Variants in ZC3H14 observed in about 807,000 individuals in gnomAD.
ZC3H14 encodes zinc finger CCCH-type containing 14.
ZC3H14 carries 31 observed loss-of-function variants against 92.4 expected under a neutral mutation model. The ratio of observed to expected loss-of-function variants is 0.34; its 90% CI spans 0.25 to 0.45. ZC3H14 has a LOEUF of 0.45. Among genes scored for constraint, ZC3H14 ranks in the 20% least tolerant of loss-of-function variants. ZC3H14 has a pLI of 1.00. For synonymous variants in ZC3H14, 321 were observed against 300.9 expected (o/e 1.07, Z -0.69); for missense variants, 781 against 897.3 (o/e 0.87, Z 1.66).
chr14:88,618,222 A>G lies in ZC3H14; in HGVS notation c.*6471A>G. The stretch of plus-strand genomic sequence containing the variant: ...GTTCTTGCCTTGTGAATATATAAGT[A>G]TTTACCTAGTCCATGTAGCCCAAGT... On this transcript the variant is annotated 3_prime_UTR_variant, in exon 17 of 17. Transcript: ENST00000251038. 1 of 1,612,790 alleles carries G rather than the reference A, an allele frequency of 6.2e-7. No homozygotes were observed. The highest frequency in any genetic ancestry group is 8.5e-7 in the Non-Finnish European group (1 of 1,179,152).
intron 7 of ZC3H14, 47 bp downstream of exon 7, chr14:88,574,900 G>C: frequency 6.2e-7 from 1 of 1,612,920 alleles, no homozygotes; most frequent in Non-Finnish European, 8.5e-7. Context: ...CCTTGGTGGA[G>C]TCTTCCTGAT....
intron 8 of ZC3H14, 92 bp from the exon 9 acceptor site, chr14:88,577,893 G>A: frequency 2.6e-6 from 4 of 1,534,154 alleles, no homozygotes; most frequent in Non-Finnish European, 3.6e-6. Context: ...CTAAACCAAA[G>A]GAGGCATTTA....
intron 12 of ZC3H14, 100 bp from the exon 13 acceptor site, chr14:88,607,143 C>G (rs1047938080): frequency 6.4e-7 from 1 of 1,562,408 alleles, no homozygotes; most frequent in African/African-American, 1.4e-5. Flanking sequence ...GTACATTTAA[C>G]AGAAGATTCT....
At chr14:88,577,047 G>A (rs2081263377) in intron 8 of ZC3H14, among the ~76,000 whole-genome samples, 1 of 151,862 alleles carries the variant, frequency 6.6e-6, no homozygotes, top group Non-Finnish European at 1.5e-5. Context: ...CTGCCTCCTC[G>A]GCCTCCCAAA....
At position 88,618,250 on chromosome 14, in the gene ZC3H14, T is replaced by C; in HGVS notation, c.*6499T>C. The C allele has an allele frequency of 1.2e-6, 2 of 1,613,802 alleles. No homozygotes were observed. ...TACCTAGTCCATGTAGCCCAAGTAA[T>C]TCTGTCAATAGCGGCATGATCCATA... On this transcript the variant is annotated 3_prime_UTR_variant, in exon 17 of 17. Transcript: ENST00000251038.
At chr14:88,567,031 G>T (rs1268958907) in intron 2 of ZC3H14, among the ~76,000 whole-genome samples, 1 of 151,326 alleles carries the variant, frequency 6.6e-6, no homozygotes, top group Non-Finnish European at 1.5e-5. Context: ...TTGTTTTTTT[G>T]TTCTTTTAAA....
chr14:88,610,949 T>G lies in ZC3H14; in HGVS notation c.2204+9T>G. On this transcript the variant is annotated intron_variant, in intron 16 of 16. Coordinates refer to ENST00000251038, the MANE Select transcript of ZC3H14 (RefSeq NM_024824.5). ...ATTCGACCTCAAACCAGGTAAACAT[T>G]CAAATTCGTTTTTCTCATGTCAGTT... 1 of 1,571,182 alleles carries G rather than the reference T, an allele frequency of 6.4e-7. No individual in the cohort carries two copies. Among genetic ancestry groups the G allele is most frequent in the East Asian group, 2.2e-5 (1 of 44,872 alleles).
chr14:88,616,262 A>G lies in ZC3H14; in HGVS notation c.*4511A>G. The stretch of plus-strand genomic sequence containing the variant: ...TTTTGCCTAAAAAACAATGACAGAC[A>G]AGCTCAGGGCATTTGGTGCACACAG... On this transcript the variant is annotated 3_prime_UTR_variant, in exon 17 of 17. Coordinates refer to ENST00000251038, the MANE Select transcript of ZC3H14 (RefSeq NM_024824.5). The G allele has an allele frequency of 6.2e-7, 1 of 1,610,344 alleles. No homozygotes were observed. Among genetic ancestry groups the G allele is most frequent in the Non-Finnish European group, 8.5e-7 (1 of 1,176,688 alleles).
chr14:88,573,811 T>C (rs1238515846), intron 6 of ZC3H14: 1 of 152,326 alleles, frequency 6.6e-6, no homozygotes, highest in Admixed American at 6.5e-5. Context: ...AGATGGTGTT[T>C]CACCATGTTG....
chr14:88,591,611 T>C (rs2083146543), intron 9 of ZC3H14: 1 of 151,974 alleles, frequency 6.6e-6, no homozygotes, highest in Non-Finnish European at 1.5e-5. Flanking sequence ...CAAGGGGAGA[T>C]TTTACATTCA....
Position 88,616,226 on chromosome 14 carries a change from A to G in ZC3H14, c.*4475A>G. ...TGTCACATGGGGCGAATGACCCAAGAACCTTTTGTGTTTTGCCTAAAAAAC... is the reference window on the plus strand; with the variant it reads ...TGTCACATGGGGCGAATGACCCAAGGACCTTTTGTGTTTTGCCTAAAAAAC... On this transcript the variant is annotated 3_prime_UTR_variant, in exon 17 of 17. Coordinates refer to ENST00000251038, the MANE Select transcript of ZC3H14 (RefSeq NM_024824.5). 6.2e-7 allele frequency: 1 copy of G among 1,613,890 alleles called. No homozygotes were observed. The highest frequency in any genetic ancestry group is 8.5e-7 in the Non-Finnish European group (1 of 1,179,786).
Position 88,620,948 on chromosome 14 carries a change from AAAAG to A in ZC3H14, c.*9199_*9202del, listed in dbSNP as rs761483664. On this transcript the variant is annotated 3_prime_UTR_variant, in exon 17 of 17. Coordinates refer to ENST00000251038, the MANE Select transcript of ZC3H14 (RefSeq NM_024824.5). This position sits in a 1 kb window ranked among gnomAD's most constrained non-coding sequence, Gnocchi z 4.3. Reference sequence around the variant, plus strand: ...TCTTCTGCATTTAAAAAAAAAAAAAAAAAGAGTCATAGGAAACATTAAGTGAAGT... The same window carrying A: ...TCTTCTGCATTTAAAAAAAAAAAAAAAGTCATAGGAAACATTAAGTGAAGT... The A allele has an allele frequency of 2.2e-5, 33 of 1,489,382 alleles. No individual in the cohort carries two copies. Among genetic ancestry groups the A allele is most frequent in the Non-Finnish European group, 2.8e-5 (31 of 1,124,972 alleles). 92.3% of individuals were successfully genotyped at this position (1,489,382 alleles called of 1,614,324 possible). A position where few individuals can be genotyped will look rare whatever the true frequency, so the allele number is the denominator to read the frequency against.
At chr14:88,583,131 T>A (rs538308417) in intron 9 of ZC3H14, among the ~76,000 whole-genome samples, 14 of 151,430 alleles carry the variant, frequency 9.2e-5, no homozygotes, top group Admixed American at 2.6e-4. Flanking sequence ...CTTGTGCTTT[T>A]TTTTTATTTT....
chr14:88,610,755 C>G (rs761086556), intron 15 of ZC3H14, 79 bp from the exon 16 acceptor site: 10 of 1,375,004 alleles, frequency 7.3e-6, no homozygotes, highest in African/African-American at 1.4e-5. Context: ...AGAGTGAGAC[C>G]CTGTCTCAAA....
chr14:88,622,987 C>A lies in ZC3H14; in HGVS notation c.*11236C>A. On this transcript the variant is annotated 3_prime_UTR_variant, in exon 17 of 17. Coordinates refer to ENST00000251038, the MANE Select transcript of ZC3H14 (RefSeq NM_024824.5). ...ATAATTTTATTTAGCCTCTACAATA[C>A]ATTACAATACATTATCCTCTCTCAT... The A allele has an allele frequency of 1.5e-5, 4 of 266,514 alleles. No homozygotes were observed. Among genetic ancestry groups the A allele is most frequent in the East Asian group, 7.3e-5 (1 of 13,706 alleles). The allele number at this position is 266,514 out of a possible 1,614,324, so 16.5% of individuals were successfully genotyped here.
At chr14:88,571,031 A>G (rs1183862142) in intron 3 of ZC3H14, 53 bp from the exon 4 acceptor site, 24 of 1,409,276 alleles carry the variant, frequency 1.7e-5, no homozygotes, top group Non-Finnish European at 2.3e-5. Context: ...GACAGTTGAA[A>G]TGAAATCTTT....
intron 9 of ZC3H14, chr14:88,594,445 G>C: frequency 8.0e-7 from 1 of 1,247,752 alleles, no homozygotes; most frequent in Non-Finnish European, 1.0e-6. Flanking sequence ...AGAGGATGTA[G>C]GGCCCTACGT....
At chr14:88,600,441 C>G (rs1168195496) in intron 10 of ZC3H14, among the ~76,000 whole-genome samples, 3 of 143,356 alleles carry the variant, frequency 2.1e-5, no homozygotes, top group Non-Finnish European at 4.6e-5. Context: ...TTTCTTTTCT[C>G]TTTTTTTTTT....
chr14:88,595,066 A>G, intron 9 of ZC3H14: 5 of 1,613,272 alleles, frequency 3.1e-6, no homozygotes, highest in Non-Finnish European at 4.2e-6. Context: ...ACAGTCAAGA[A>G]CTACTGATGT....
Sources: gnomAD v4.1 joint callset for allele counts (sites outside exome capture counted in the v4.1 genomes callset) on GRCh38, gnomAD v4.1.1 for gene constraint, Gnocchi (gnomAD v3.1) non-coding constraint, MANE v1.5 for transcripts, NCBI Gene and HGNC (gene_info 2026-07-23, HGNC 2026-07-21) for gene names.